TMEM245: variants seen among roughly 807,000 people sequenced by gnomAD.
The protein encoded by TMEM245 is transmembrane protein 245, also known as protein CG-2.
In TMEM245, 69 loss-of-function variants were observed where a neutral mutation model predicts 101.2. The ratio of observed to expected loss-of-function variants is 0.68; its 90% CI spans 0.56 to 0.83. The LOEUF (loss-of-function observed/expected upper bound fraction) is 0.83. Among genes scored for constraint, TMEM245 ranks in the 40% least tolerant of loss-of-function variants. The pLI, the probability that TMEM245 is intolerant of heterozygous loss-of-function variation, is 0.00. For missense variants in TMEM245, 1,075 were observed against 1,092.8 expected (o/e 0.98, Z 0.23); for synonymous variants, 537 against 449.8 (o/e 1.19, Z -2.45).
At chr9:109,036,069 C>G (rs1828112374) in intron 16 of TMEM245, 137 bp downstream of exon 16, 3 of 434,432 alleles carry the variant, frequency 6.9e-6, no homozygotes, top group Middle Eastern at 7.3e-4. Context: ...TTTGTGGGAA[C>G]ACAAAAGGCT....
intron 17 of TMEM245, among the ~76,000 whole-genome samples, chr9:109,028,893 C>A (rs1827868710): frequency 6.6e-6 from 1 of 152,164 alleles, no homozygotes; most frequent in Non-Finnish European, 1.5e-5. Flanking sequence ...AACCCCAACT[C>A]TGACTGCAGA....
intron 12 of TMEM245, among the ~76,000 whole-genome samples, chr9:109,054,566 A>C: frequency 6.6e-6 from 1 of 152,214 alleles, no homozygotes; most frequent in South Asian, 2.1e-4. Flanking sequence ...TACACTGGGA[A>C]GATTTCATGA....
At chr9:109,027,089 C>G (rs994211701) in intron 17 of TMEM245, among the ~76,000 whole-genome samples, 9 of 152,142 alleles carry the variant, frequency 5.9e-5, no homozygotes, top group African/African-American at 2.2e-4. Flanking sequence ...CCCTAAAAAG[C>G]TGGATCTTAA....
At chr9:109,108,688 T>TG (rs1830493523) in intron 1 of TMEM245, 118 bp from the exon 2 acceptor site, 1 of 639,174 alleles carries the variant, frequency 1.6e-6, no homozygotes, top group African/African-American at 1.9e-5. Flanking sequence ...ACAGAAAAGA[T>TG]GAAGGTTGAT....
intron 8 of TMEM245, among the ~76,000 whole-genome samples, chr9:109,075,714 T>G (rs1829478155): frequency 1.3e-5 from 2 of 152,232 alleles, no homozygotes; most frequent in Non-Finnish European, 2.9e-5. Flanking sequence ...GTACTTGATA[T>G]TGGTAATTTG....
chr9:109,034,931 C>T (rs144515282), intron 16 of TMEM245, among the ~76,000 whole-genome samples: 1 of 151,760 alleles, frequency 6.6e-6, no homozygotes, highest in African/African-American at 2.4e-5. Flanking sequence ...CCAAGGCAGG[C>T]GGATCACTTG....
rs1236614990 is a variant in TMEM245 at position 109,015,484 on chromosome 9, TGA to T, written c.*4974_*4975del. 1.3e-5 allele frequency: 2 copies of T among 152,466 alleles called. No homozygotes were observed. The highest frequency in any genetic ancestry group is 2.9e-5 in the Non-Finnish European group (2 of 68,034). The allele number at this position is 152,466 out of a possible 1,614,324, so 9.4% of individuals were successfully genotyped here. On this transcript the variant is annotated 3_prime_UTR_variant, in exon 18 of 18. Transcript: ENST00000374586. The stretch of plus-strand genomic sequence containing the variant: ...AGGGTTTTCTTTGGGATGGCTACAA[TGA>T]GAGTTACATCTGCTGGGTCTCTGCA...
chr9:109,045,743 T>G (rs1173571021), intron 14 of TMEM245, among the ~76,000 whole-genome samples: 2 of 152,232 alleles, frequency 1.3e-5, no homozygotes, highest in African/African-American at 4.8e-5. Flanking sequence ...AACTTAAGTT[T>G]ATGAGATGAA....
Position 109,119,542 on chromosome 9 carries a change from C to A in TMEM245, c.372G>T (p.Leu124=). The A allele has an allele frequency of 6.5e-7, 1 of 1,530,776 alleles. No individual in the cohort carries two copies. Among genetic ancestry groups the A allele is most frequent in the African/African-American group, 1.4e-5 (1 of 70,622 alleles). The allele number at this position is 1,530,776 out of a possible 1,614,324, so 94.8% of individuals were successfully genotyped here. A position where few individuals can be genotyped will look rare whatever the true frequency, so the allele number is the denominator to read the frequency against. ...AGTCGACGAAGCAGAGCGGCAGGAG[C>A]AGCGCGGCCAGGACGATGGGCGTGT... is the stretch of plus-strand genomic sequence containing the variant. ...RAHTPIVLAA[L]LLPLCFVDYG... The change falls in exon 1 of 18, where the codon CTG becomes CTT. Residue 124 remains leucine, a synonymous_variant. Transcript: ENST00000374586.
intron 3 of TMEM245, among the ~76,000 whole-genome samples, chr9:109,100,067 C>CAGGACA (rs1222667307): frequency 6.6e-6 from 1 of 152,116 alleles, no homozygotes; most frequent in Non-Finnish European, 1.5e-5. Flanking sequence ...TCTGTCACAG[C>CAGGACA]AGGACAAAAC....
chr9:109,016,237 G>A lies in TMEM245; in HGVS notation c.*4223C>T, dbSNP rs1827434219. ...GTTCAAAACTCTTAGAAGTCCTACA[G>A]TAAGGAAACAAACTCAGCATTCCTT... On this transcript the variant is annotated 3_prime_UTR_variant, in exon 18 of 18. Transcript: ENST00000374586. 1 of 152,252 alleles carries A rather than the reference G, an allele frequency of 6.6e-6. No homozygotes were observed. Among genetic ancestry groups the A allele is most frequent in the South Asian group, 2.1e-4 (1 of 4,816 alleles). 9.4% of individuals were successfully genotyped at this position (152,252 alleles called of 1,614,324 possible).
intron 16 of TMEM245, among the ~76,000 whole-genome samples, 185 bp from the exon 17 acceptor site, chr9:109,033,686 G>A (rs929915152): frequency 1.7e-4 from 25 of 143,496 alleles, no homozygotes; most frequent in Admixed American, 1.2e-3. Flanking sequence ...ATATTGAGAT[G>A]CAACAATTGT....
Position 109,093,410 on chromosome 9 carries a change from AT to A in TMEM245, c.916+64del, listed in dbSNP as rs1344843303. The A allele has an allele frequency of 5.7e-6, 8 of 1,393,162 alleles. No individual in the cohort carries two copies. In the African/African-American group the frequency reaches 8.6e-5, roughly 15 times the overall value. The allele number at this position is 1,393,162 out of a possible 1,614,324, so 86.3% of individuals were successfully genotyped here. ...GCATTTTGTGATGCTGGTGTCCTGA[AT>A]TTTACTTTCTATGTACATTTCATTT... On this transcript the variant is annotated intron_variant, in intron 4 of 17. Coordinates refer to ENST00000374586, the MANE Select transcript of TMEM245 (RefSeq NM_032012.4).
chr9:109,105,576 CA>C (rs1157301744), intron 3 of TMEM245, among the ~76,000 whole-genome samples: 1 of 152,136 alleles, frequency 6.6e-6, no homozygotes, highest in Non-Finnish European at 1.5e-5. Context: ...TCACAATAGA[CA>C]AATGGTAGAA....
intron 7 of TMEM245, among the ~76,000 whole-genome samples, 175 bp downstream of exon 7, chr9:109,085,822 T>C (rs1829816313): frequency 6.6e-6 from 1 of 152,234 alleles, no homozygotes; most frequent in African/African-American, 2.4e-5. Context: ...TTGCTGAGTT[T>C]TTACCAAATT....
At chr9:109,059,792 A>G (rs768523823) in intron 11 of TMEM245, among the ~76,000 whole-genome samples, 1 of 152,090 alleles carries the variant, frequency 6.6e-6, no homozygotes, top group Non-Finnish European at 1.5e-5. Context: ...TGTACTGTCT[A>G]AAACAGTAGC....
At chr9:109,101,559 ATTTAT>A (rs1373883824) in intron 3 of TMEM245, among the ~76,000 whole-genome samples, 2 of 152,340 alleles carry the variant, frequency 1.3e-5, no homozygotes, top group East Asian at 3.9e-4. Context: ...CACTTAAAAG[ATTTAT>A]TTTATGATGA....
intron 7 of TMEM245, among the ~76,000 whole-genome samples, chr9:109,084,782 CACTT>C (rs1012257383): frequency 3.9e-5 from 6 of 152,206 alleles, no homozygotes; most frequent in East Asian, 3.8e-4. Flanking sequence ...GGATTGAACT[CACTT>C]ACCCATACTA....
chr9:109,034,274 G>T (rs1174457438), intron 16 of TMEM245, among the ~76,000 whole-genome samples: 3 of 152,182 alleles, frequency 2.0e-5, no homozygotes, highest in African/African-American at 7.2e-5. Context: ...TATCCTGGAA[G>T]GATGTTCTAT....
Sources: gnomAD v4.1 joint callset for allele counts (sites outside exome capture counted in the v4.1 genomes callset) on GRCh38, gnomAD v4.1.1 for gene constraint, MANE v1.5 for transcripts, NCBI Gene and HGNC (gene_info 2026-07-23, HGNC 2026-07-21) for gene names.